CR2: variants seen among roughly 807,000 people sequenced by gnomAD.
CR2 encodes complement receptor type 2.
Under a neutral mutation model 123.0 loss-of-function variants are expected in CR2, and 96 were observed. That is an observed-to-expected ratio of 0.78 (90% CI 0.66 to 0.93). The LOEUF is 0.93. Ranked by LOEUF, CR2 falls within the 40% of genes least tolerant of loss-of-function variation. The pLI is 0.00. For missense variants in CR2, 1,258 were observed against 1,361.0 expected (o/e 0.92, Z 1.19); for synonymous variants, 484 against 469.5 (o/e 1.03, Z -0.40).
At position 207,476,255 on chromosome 1, in the gene CR2, C is replaced by A. The variant is rs772503117; in HGVS notation, c.2738C>A (p.Pro913Gln). Residue 913 changes from proline (P) to glutamine (Q), a missense_variant, in exon 15 of 20, where the codon CCG (proline) becomes CAG (glutamine). Physicochemically the swap from Pro to Gln is moderately conservative, Grantham distance 76. Transcript: ENST00000367057. ...IKKAFIGCPP[P>Q]PKTPNGNHTG... ...TAAGCCTTCATAGGGTGTCCACCTCCGCCTAAGACCCCTAACGGGAACCAT... is the reference window on the plus strand; with the variant it reads ...TAAGCCTTCATAGGGTGTCCACCTCAGCCTAAGACCCCTAACGGGAACCAT... The A allele has an allele frequency of 6.2e-7, 1 of 1,613,766 alleles. No individual in the cohort carries two copies. The highest frequency in any genetic ancestry group is 1.1e-5 in the South Asian group (1 of 91,068).
chr1:207,456,187 A>G (rs1181068272), intron 1 of CR2, among the ~76,000 whole-genome samples: 1 of 151,970 alleles, frequency 6.6e-6, no homozygotes, highest in East Asian at 1.9e-4. Context: ...CGAAGCTCAC[A>G]CCCCCTGATT....
At chr1:207,468,939 C>T (rs1049036054) in intron 4 of CR2, 40 bp downstream of exon 4, 2 of 1,596,086 alleles carry the variant, frequency 1.3e-6, no homozygotes, top group Non-Finnish European at 1.7e-6. Flanking sequence ...ATTCATTTGT[C>T]TTGTGTGTGC....
chr1:207,489,490 A>G lies in CR2; in HGVS notation c.*367A>G, dbSNP rs567064199. ...TCTTCTTTTTGAAATCAGCATACTC[A>G]ATGTTACTATCTGCTTTTGGTTATA... On this transcript the variant is annotated 3_prime_UTR_variant, in exon 20 of 20. Coordinates refer to ENST00000367057, the MANE Select transcript of CR2 (RefSeq NM_001006658.3). 8 of 152,302 alleles carry G rather than the reference A, an allele frequency of 5.3e-5. No homozygotes were observed. The highest frequency in any genetic ancestry group is 4.6e-4 in the Admixed American group (7 of 15,294). 9.4% of individuals were successfully genotyped at this position (152,302 alleles called of 1,614,324 possible). A position where few individuals can be genotyped will look rare whatever the true frequency, so the allele number is the denominator to read the frequency against.
rs1558190686 is a variant in CR2, at chr1:207,469,688, C to T, written c.818-7C>T. ...GATCTTGTCATTTCTTTCTGCAATT[C>T]CCCTAGAAATTTTTTGCCCATCACC... On this transcript the variant is annotated splice_region_variant and splice_polypyrimidine_tract_variant and intron_variant, in intron 5 of 19. Transcript: ENST00000367057. The T allele has an allele frequency of 6.2e-7, 1 of 1,613,042 alleles. No homozygotes were observed. The highest frequency in any genetic ancestry group is 8.5e-7 in the Non-Finnish European group (1 of 1,179,208).
Position 207,476,422 on chromosome 1 carries a change from G to T in CR2, c.2902+3G>T. 1 of 1,612,496 alleles carries T rather than the reference G, an allele frequency of 6.2e-7. No homozygotes were observed. The highest frequency in any genetic ancestry group is 1.7e-5 in the Admixed American group (1 of 59,904). On this transcript the variant is annotated splice_donor_region_variant and intron_variant, in intron 15 of 19. Transcript: ENST00000367057. ...CCAACCTGCCCCTCATTGTAAAGGT[G>T]CTTTGTCTATTTTTTATTCTTATTT...
chr1:207,485,345 AT>A (rs2102315021), intron 18 of CR2, 118 bp from the exon 19 acceptor site: 1 of 697,312 alleles, frequency 1.4e-6, no homozygotes, highest in Non-Finnish European at 2.6e-6. Flanking sequence ...ATTTAAAAAA[AT>A]GAAATCATCC....
chr1:207,473,254 G>T, intron 10 of CR2, 75 bp downstream of exon 10: 1 of 1,553,506 alleles, frequency 6.4e-7, no homozygotes, highest in Non-Finnish European at 8.8e-7. Flanking sequence ...ACCCAAAACT[G>T]CATCATGGAA....
At chr1:207,470,205 C>T (rs777034583) in intron 6 of CR2, 103 bp downstream of exon 6, 3 of 1,280,368 alleles carry the variant, frequency 2.3e-6, no homozygotes, top group Non-Finnish European at 3.3e-6. Flanking sequence ...TTTATACTTC[C>T]CTCAAATCTA....
At position 207,471,016 on chromosome 1, in the gene CR2, A is replaced by G; in HGVS notation, c.1422A>G (p.Thr474=). Residue 474 remains threonine (T), a synonymous_variant, in exon 8 of 20, where the codon ACA becomes ACG. Coordinates refer to ENST00000367057, the MANE Select transcript of CR2 (RefSeq NM_001006658.3). ...TCTTAGTGGCAGCGTGTGAAGCTAC[A>G]GGAAGGCAACTCTTGACAAAACCCC... The part of the protein sequence containing the change: ...PQCKVAACEA[T]GRQLLTKPQH... 6.2e-7 allele frequency: 1 copy of G among 1,613,892 alleles called. No homozygotes were observed. Among genetic ancestry groups the G allele is most frequent in the Non-Finnish European group, 8.5e-7 (1 of 1,179,852 alleles).
In CR2 at chr1:207,469,959, T is replaced by C; in HGVS notation, c.1082T>C (p.Met361Thr). Residue 361 changes from methionine (M) to threonine (T), a missense_variant, in exon 6 of 20, where the codon ATG becomes ACG. Transcript: ENST00000367057. ...CPHPQILRGR[M>T]VSGQKDRYTY... Reference sequence around the variant, plus strand: ...CATCCCCAGATCCTAAGAGGCCGAATGGTATCTGGGCAGAAAGATCGATAT... The same window carrying C: ...CATCCCCAGATCCTAAGAGGCCGAACGGTATCTGGGCAGAAAGATCGATAT... The C allele has an allele frequency of 6.2e-7, 1 of 1,613,974 alleles. No individual in the cohort carries two copies.
At chr1:207,456,303 G>A (rs1485930716) in intron 1 of CR2, among the ~76,000 whole-genome samples, 1 of 152,124 alleles carries the variant, frequency 6.6e-6, no homozygotes, top group East Asian at 1.9e-4. Flanking sequence ...GCTACTGCAT[G>A]CTCTCCACAC....
rs1221940754 is a variant in CR2 at position 207,467,009 on chromosome 1, T to G, written c.445+97T>G. 3 of 1,376,846 alleles carry G rather than the reference T, an allele frequency of 2.2e-6. No homozygotes were observed. The East Asian group carries it at 7.0e-5, about 32-fold the overall frequency. The allele number at this position is 1,376,846 out of a possible 1,614,324, so 85.3% of individuals were successfully genotyped here. On this transcript the variant is annotated intron_variant, in intron 2 of 19. Coordinates refer to ENST00000367057, the MANE Select transcript of CR2 (RefSeq NM_001006658.3). ...TCCTGAAGGACAAACAGTGTGAACA[T>G]GTAATGATGAGGGTGGAAGAAGGAA...
intron 14 of CR2, 142 bp from the exon 15 acceptor site, chr1:207,476,092 T>G (rs933807482): frequency 2.7e-6 from 2 of 750,056 alleles, no homozygotes; most frequent in African/African-American, 3.4e-5. Context: ...GTTGCTGGTC[T>G]GGGTGGAATG....
At chr1:207,462,025 T>A (rs1657978780) in intron 1 of CR2, among the ~76,000 whole-genome samples, 3 of 152,140 alleles carry the variant, frequency 2.0e-5, no homozygotes, top group African/African-American at 7.2e-5. Flanking sequence ...ATCTATGGTA[T>A]CCATACTGTG....
Position 207,454,746 on chromosome 1 carries a change from G to A in CR2, c.58+270G>A, listed in dbSNP as rs369140831. The A allele has an allele frequency of 2.4e-3, 942 of 398,506 alleles. 5 individuals are homozygous for A. The highest frequency in any genetic ancestry group is 3.3e-3 in the Middle Eastern group (5 of 1,508). The allele number at this position is 398,506 out of a possible 1,614,324, so 24.7% of individuals were successfully genotyped here. A position where few individuals can be genotyped will look rare whatever the true frequency, so the allele number is the denominator to read the frequency against. ...GGCCCGGTGTGGCTGGCGGCGTGCG[G>A]GTGCTCGCGGTCTCCTGCCGGGCTC... is the stretch of plus-strand genomic sequence containing the variant. On this transcript the variant is annotated intron_variant, in intron 1 of 19. Coordinates refer to ENST00000367057, the MANE Select transcript of CR2 (RefSeq NM_001006658.3). This position sits in a 1 kb window ranked among gnomAD's most constrained non-coding sequence, Gnocchi z 4.3.
chr1:207,463,236 G>A (rs918907429), intron 1 of CR2, among the ~76,000 whole-genome samples: 1 of 152,182 alleles, frequency 6.6e-6, no homozygotes, highest in Non-Finnish European at 1.5e-5. Context: ...GTAATAAAGG[G>A]TGAGTTGGCA....
At chr1:207,462,170 T>G (rs1189925335) in intron 1 of CR2, among the ~76,000 whole-genome samples, 1 of 152,088 alleles carries the variant, frequency 6.6e-6, no homozygotes, top group African/African-American at 2.4e-5. Flanking sequence ...GGGAGTGACA[T>G]AAAAATGAAT....
chr1:207,467,103 T>C (rs911968937), intron 2 of CR2, among the ~76,000 whole-genome samples, 191 bp downstream of exon 2: 1 of 152,142 alleles, frequency 6.6e-6, no homozygotes, highest in African/African-American at 2.4e-5. Context: ...AAAACATCAA[T>C]TGAGCAAAGG....
intron 9 of CR2, 54 bp from the exon 10 acceptor site, chr1:207,472,718 T>C: frequency 2.5e-6 from 4 of 1,574,078 alleles, no homozygotes; most frequent in Middle Eastern, 3.3e-4. Context: ...GGTTCTTTGT[T>C]CTTTGGTGTC....
Sources: gnomAD v4.1 joint callset for allele counts (sites outside exome capture counted in the v4.1 genomes callset) on GRCh38, gnomAD v4.1.1 for gene constraint, Gnocchi (gnomAD v3.1) non-coding constraint, MANE v1.5 for transcripts, NCBI Gene and HGNC (gene_info 2026-07-23, HGNC 2026-07-21) for gene names.